CLCNKB: variants seen among roughly 807,000 people sequenced by gnomAD.
The protein encoded by CLCNKB is chloride voltage-gated channel Kb.
In CLCNKB, 74 loss-of-function variants were observed where a neutral mutation model predicts 83.8. The observed-to-expected ratio is 0.88, with a 90% CI of 0.73 to 1.07. CLCNKB has a LOEUF of 1.07. Ranked by LOEUF, CLCNKB falls within the 50% of genes least tolerant of loss-of-function variation. CLCNKB has a pLI of 0.00. For synonymous variants in CLCNKB, 358 were observed against 356.6 expected (o/e 1.00, Z -0.04); for missense variants, 798 against 893.6 (o/e 0.89, Z 1.36).
chr1:16,046,754 A>G, intron 4 of CLCNKB, 91 bp downstream of exon 4: 2 of 1,517,592 alleles, frequency 1.3e-6, no homozygotes, highest in Non-Finnish European at 1.8e-6. Context: ...CATTTCACAG[A>G]CAAAGGCCCA....
At position 16,049,905 on chromosome 1, in the gene CLCNKB, G is replaced by C. The variant is rs1570336364; in HGVS notation, c.957G>C (p.Leu319=). ...GGAACAATAGGTTCAGCTCCAAACTGCTGGCCACCAGGTAGGCTCCGGGCT... is the reference window on the plus strand; with the variant it reads ...GGAACAATAGGTTCAGCTCCAAACTCCTGGCCACCAGGTAGGCTCCGGGCT... The part of the protein sequence containing the change: ...FIRNNRFSSK[L]LATSKPVYSA... The change falls in exon 10 of 20, where the codon CTG becomes CTC. Residue 319 remains leucine (L), a synonymous_variant. Coordinates refer to ENST00000375679, the MANE Select transcript of CLCNKB (RefSeq NM_000085.5). 1 of 1,613,718 alleles carries C rather than the reference G, an allele frequency of 6.2e-7. No homozygotes were observed. The highest frequency in any genetic ancestry group is 1.1e-5 in the South Asian group (1 of 91,070).
At position 16,049,254 on chromosome 1, in the gene CLCNKB, C is replaced by T; in HGVS notation, c.781+9C>T. 3 of 1,613,376 alleles carry T rather than the reference C, an allele frequency of 1.9e-6. No homozygotes were observed. The highest frequency in any genetic ancestry group is 2.5e-6 in the Non-Finnish European group (3 of 1,179,810). ...CTTCAACAGCGAGCAGGGTGAGCCC[C>T]CTGGGCTGCCTGACCCTGGCCCTGC... On this transcript the variant is annotated intron_variant, in intron 8 of 19. Transcript: ENST00000375679.
intron 12 of CLCNKB, 150 bp from the exon 13 acceptor site, chr1:16,051,327 GA>G: frequency 1.8e-6 from 2 of 1,097,684 alleles, no homozygotes; most frequent in Non-Finnish European, 1.4e-6. Flanking sequence ...TCAGGGTGAG[GA>G]CCCTCCCCTA....
chr1:16,049,717 T>C lies in CLCNKB; in HGVS notation c.866+15T>C, dbSNP rs1476450948. ...GTGGCGCTGGGGTGAGTGGGTGCCT[T>C]GGGCCCCTGAGAGTCCAAAAGGCAT... On this transcript the variant is annotated intron_variant, in intron 9 of 19. Coordinates refer to ENST00000375679, the MANE Select transcript of CLCNKB (RefSeq NM_000085.5). The C allele has an allele frequency of 1.3e-6, 2 of 1,597,318 alleles. No individual in the cohort carries two copies. The highest frequency in any genetic ancestry group is 1.7e-6 in the Non-Finnish European group (2 of 1,164,934).
chr1:16,052,192 T>C lies in CLCNKB; in HGVS notation c.1409-6T>C, dbSNP rs115910575. ...TGAGCTGCCCTGCCTGACTCTGCCC[T>C]TGCAGGGGCTGCAGCCTTCTCAGGG... On this transcript the variant is annotated splice_region_variant and splice_polypyrimidine_tract_variant and intron_variant, in intron 14 of 19. Coordinates refer to ENST00000375679, the MANE Select transcript of CLCNKB (RefSeq NM_000085.5). The C allele has an allele frequency of 5.9e-4, 955 of 1,612,826 alleles. 8 individuals are homozygous for C. The African/African-American group carries it at 9.7e-3, about 16-fold the overall frequency.
intron 11 of CLCNKB, 113 bp downstream of exon 11, chr1:16,050,713 T>C: frequency 1.3e-6 from 2 of 1,482,674 alleles, no homozygotes; most frequent in Non-Finnish European, 1.9e-6. Context: ...CTCAGCATTA[T>C]TTTATAGATG....
At chr1:16,053,092 A>G (rs1021238519) in intron 15 of CLCNKB, among the ~76,000 whole-genome samples, 6 of 151,414 alleles carry the variant, frequency 4.0e-5, no homozygotes, top group African/African-American at 1.5e-4. Flanking sequence ...GTGCAGTGGC[A>G]CAATCTCAGT....
rs866959922 is a variant in CLCNKB at position 16,044,542 on chromosome 1, C to A, written c.50C>A (p.Thr17Asn). 2.5e-6 allele frequency: 4 copies of A among 1,607,284 alleles called. No individual in the cohort carries two copies. The African/African-American group carries it at 5.3e-5, about 21-fold the overall frequency. ...LREGSSGNPVTLQELWGPCPR... is the reference protein window; with the variant it reads ...LREGSSGNPVNLQELWGPCPR... Reference sequence around the variant, plus strand: ...GAAGGCTCCTCAGGGAACCCTGTGACTCTGCAGGAGCTGTGGGGCCCCTGT... The same window carrying A: ...GAAGGCTCCTCAGGGAACCCTGTGAATCTGCAGGAGCTGTGGGGCCCCTGT... Residue 17 changes from threonine to asparagine, a missense_variant, in exon 2 of 20, where the codon ACT (threonine) becomes AAT (asparagine). Coordinates refer to ENST00000375679, the MANE Select transcript of CLCNKB (RefSeq NM_000085.5).
Position 16,044,587 on chromosome 1 carries a change from T to C in CLCNKB, c.95T>C (p.Ile32Thr), listed in dbSNP as rs1431164824. 2 of 1,599,110 alleles carry C rather than the reference T, an allele frequency of 1.3e-6. No homozygotes were observed. Among genetic ancestry groups the C allele is most frequent in the African/African-American group, 1.3e-5 (1 of 74,920 alleles). ...CCCTGTCCCCGCATCCGCCGAGGCA[T>C]CCGAGGTGAGAGCCAGGTCCTCTTC... ...WGPCPRIRRG[I>T]RGGLEWLKQK... The change falls in exon 2 of 20, where the codon ATC becomes ACC. Residue 32 changes from isoleucine (I) to threonine (T), a missense_variant. Ile to Thr is a moderately conservative substitution (Grantham distance 89, BLOSUM62 -1). Coordinates refer to ENST00000375679, the MANE Select transcript of CLCNKB (RefSeq NM_000085.5).
Position 16,047,940 on chromosome 1 carries a change from G to T in CLCNKB, c.394G>T (p.Gly132Cys), listed in dbSNP as rs747302971. 3 of 1,614,028 alleles carry T rather than the reference G, an allele frequency of 1.9e-6. No homozygotes were observed. The highest frequency in any genetic ancestry group is 2.5e-6 in the Non-Finnish European group (3 of 1,180,018). ...CCCGGAGGTGAAGACCATGTTGGCG[G>T]GTGTGGTCTTGGAGGACTACCTGGA... ...GIPEVKTMLA[G>C]VVLEDYLDIK... The change falls in exon 5 of 20, where the codon GGT becomes TGT. Residue 132 changes from glycine to cysteine, a missense_variant. Transcript: ENST00000375679.
intron 17 of CLCNKB, 25 bp downstream of exon 17, chr1:16,055,548 GAT>G: frequency 6.9e-6 from 7 of 1,007,440 alleles, no homozygotes; most frequent in Non-Finnish European, 1.1e-5. Flanking sequence ...GGGGCATGGG[GAT>G]GGGGCGGGGG....
intron 17 of CLCNKB, 71 bp downstream of exon 17, chr1:16,055,594 T>C: frequency 6.3e-7 from 1 of 1,589,126 alleles, no homozygotes; most frequent in East Asian, 2.2e-5. Flanking sequence ...AGGGGCCCGC[T>C]GATATCCTGA....
chr1:16,048,232 TG>T, intron 5 of CLCNKB, 110 bp from the exon 6 acceptor site: 1 of 1,475,392 alleles, frequency 6.8e-7, no homozygotes, highest in Non-Finnish European at 9.3e-7. Flanking sequence ...AGGACGGCCG[TG>T]GGGGCTTGGG....
Position 16,050,894 on chromosome 1 carries a change from T to C in CLCNKB, c.1073T>C (p.Leu358Pro), listed in dbSNP as rs2023266678. Residue 358 changes from leucine (L) to proline (P), a missense_variant, in exon 12 of 20, where the codon CTG becomes CCG. Physicochemically the swap from Leu to Pro is moderately conservative, Grantham distance 98. Coordinates refer to ENST00000375679, the MANE Select transcript of CLCNKB (RefSeq NM_000085.5). ...CCACAGCTGTCCATGAAGCAGCATC[T>C]GGACTCGCTGTTCGACAACCACTCC... ...LASRLSMKQH[L>P]DSLFDNHSWA... is the part of the protein sequence containing the mutation. The C allele has an allele frequency of 1.2e-6, 2 of 1,612,122 alleles. No homozygotes were observed. Among genetic ancestry groups the C allele is most frequent in the Non-Finnish European group, 1.7e-6 (2 of 1,179,914 alleles).
intron 17 of CLCNKB, 65 bp from the exon 18 acceptor site, chr1:16,055,610 A>T (rs2023413726): frequency 3.1e-6 from 5 of 1,592,812 alleles, no homozygotes. Flanking sequence ...CCTGAGGGAG[A>T]GGTGGTCAGA....
rs147999316 is a variant in CLCNKB at position 16,051,005 on chromosome 1, G to A, written c.1184G>A (p.Arg395Gln). The A allele has an allele frequency of 3.1e-6, 5 of 1,614,056 alleles. No homozygotes were observed. In the South Asian group the frequency reaches 3.3e-5, roughly 11 times the overall value. The part of the protein sequence containing the change: ...QHLWWEWYHP[R>Q]FTIFGTLAFF... Reference sequence around the variant, plus strand: ...CTGTGGTGGGAATGGTACCACCCGCGGTTCACCATCTTTGGGACCCTTGCC... The same window carrying A: ...CTGTGGTGGGAATGGTACCACCCGCAGTTCACCATCTTTGGGACCCTTGCC... The change falls in exon 12 of 20, where the codon CGG becomes CAG. Residue 395 changes from arginine to glutamine, a missense_variant. Transcript: ENST00000375679.
At chr1:16,055,215 C>T (rs1157181327) in intron 16 of CLCNKB, among the ~76,000 whole-genome samples, 3 of 152,152 alleles carry the variant, frequency 2.0e-5, no homozygotes, top group Non-Finnish European at 4.4e-5. Flanking sequence ...GGCAGCCTCA[C>T]TCAGCCATCC....
chr1:16,045,492 C>G (rs1294077108), intron 2 of CLCNKB, 66 bp from the exon 3 acceptor site: 2 of 1,595,418 alleles, frequency 1.3e-6, no homozygotes, highest in Admixed American at 3.4e-5. Context: ...CCCAGCAGGC[C>G]TCCAAGGATG....
rs2023229840 is a variant in CLCNKB, at chr1:16,049,866, C to T, written c.918C>T (p.Phe306=). The change falls in exon 10 of 20, where the codon TTC becomes TTT. Residue 306 remains phenylalanine, a synonymous_variant. Coordinates refer to ENST00000375679, the MANE Select transcript of CLCNKB (RefSeq NM_000085.5). ...CTTACCTCTTCTGTCAGCGAATCTTCTTTGGCTTCATCAGGAACAATAGGT... is the reference window on the plus strand; with the variant it reads ...CTTACCTCTTCTGTCAGCGAATCTTTTTTGGCTTCATCAGGAACAATAGGT... ...GSAYLFCQRI[F]FGFIRNNRFS... 1.2e-6 allele frequency: 2 copies of T among 1,613,842 alleles called. No homozygotes were observed. The highest frequency in any genetic ancestry group is 1.1e-5 in the South Asian group (1 of 91,080).
Sources: allele counts gnomAD v4.1 joint callset (sites outside exome capture counted in the v4.1 genomes callset), GRCh38; gene constraint gnomAD v4.1.1; transcripts MANE v1.5; gene names NCBI Gene and HGNC (gene_info 2026-07-23, HGNC 2026-07-21).